Variants in CCDC198 observed in about 807,000 individuals in gnomAD.
CCDC198 encodes factor associated with metabolism and energy.
Under a neutral mutation model 35.6 loss-of-function variants are expected in CCDC198, and 18 were observed. That is an observed-to-expected ratio of 0.51 (90% confidence interval 0.35 to 0.75). The LOEUF is 0.75. Ranked by LOEUF, CCDC198 falls within the 30% of genes least tolerant of loss-of-function variation. CCDC198 has a pLI of 0.01. For synonymous variants in CCDC198, 119 were observed against 113.4 expected (o/e 1.05, Z -0.31); for missense variants, 365 against 343.7 (o/e 1.06, Z -0.49).
At chr14:57,486,137 T>G (rs2067349843) in intron 2 of CCDC198, among the ~76,000 whole-genome samples, 1 of 152,158 alleles carries the variant, frequency 6.6e-6, no homozygotes, top group South Asian at 2.1e-4. Flanking sequence ...AAGGGGGATT[T>G]CTGGAAGCTG....
chr14:57,487,566 A>G (rs1251972550), intron 2 of CCDC198, among the ~76,000 whole-genome samples: 6 of 152,180 alleles, frequency 3.9e-5, no homozygotes, highest in Non-Finnish European at 8.8e-5. Flanking sequence ...CAACTCCTCA[A>G]TAAAAAGGCC....
In CCDC198 at chr14:57,483,169, A is replaced by G; in HGVS notation, c.307-18T>C. The stretch of plus-strand genomic sequence containing the variant: ...TCAAGCTTCTAGAAGTTCAACGTTT[A>G]GAGCAGTCAGCATTCCTCATGCCAT... On this transcript the variant is annotated intron_variant, in intron 2 of 5. Transcript: ENST00000216445. 6.2e-7 allele frequency: 1 copy of G among 1,614,048 alleles called. No individual in the cohort carries two copies.
chr14:57,481,158 A>G (rs1378293064), intron 4 of CCDC198, among the ~76,000 whole-genome samples: 2 of 152,108 alleles, frequency 1.3e-5, no homozygotes, highest in Non-Finnish European at 2.9e-5. Flanking sequence ...TGTTTTTTTT[A>G]CAAGAGGTCT....
At chr14:57,474,805 A>G (rs145142417) in intron 5 of CCDC198, among the ~76,000 whole-genome samples, 124 of 152,306 alleles carry the variant, frequency 8.1e-4, no homozygotes, top group African/African-American at 2.9e-3. Flanking sequence ...ATTTAGGGAG[A>G]GAGGAAAGCA....
chr14:57,486,799 C>T (rs764610899), intron 2 of CCDC198, among the ~76,000 whole-genome samples: 13 of 152,130 alleles, frequency 8.5e-5, no homozygotes, highest in Non-Finnish European at 1.5e-4. Context: ...TTTCACAGAT[C>T]TCTTTCTTCC....
chr14:57,480,720 T>C lies in CCDC198; in HGVS notation c.530A>G (p.Glu177Gly). ...QMELKKSLHG[E>G]ARINKQSPRD... The stretch of plus-strand genomic sequence containing the variant: ...TGGACTTTGCTTATTAATTCTTGCC[T>C]CTCCATGAAGACTTTTCTTTAACTC... The change falls in exon 5 of 6, where the codon GAG (glutamate) becomes GGG (glycine). Residue 177 changes from glutamate (E) to glycine (G), a missense_variant. By Grantham distance (98) the Glu-to-Gly change is moderately conservative. Transcript: ENST00000216445. 1 of 1,614,096 alleles carries C rather than the reference T, an allele frequency of 6.2e-7. No homozygotes were observed. The highest frequency in any genetic ancestry group is 2.2e-5 in the East Asian group (1 of 44,864).
intron 5 of CCDC198, 25 bp from the exon 6 acceptor site, chr14:57,471,615 A>T: frequency 7.5e-7 from 1 of 1,337,052 alleles, no homozygotes; most frequent in Non-Finnish European, 1.0e-6. Context: ...AGTTTCTTTA[A>T]TTTTTTCCCT....
intron 3 of CCDC198, 138 bp from the exon 4 acceptor site, chr14:57,481,798 G>A (rs1384800451): frequency 1.0e-5 from 6 of 588,652 alleles, no homozygotes; most frequent in Admixed American, 6.3e-5. Flanking sequence ...GACAAAAGTG[G>A]ACTATCGTGT....
intron 1 of CCDC198, among the ~76,000 whole-genome samples, chr14:57,492,862 C>T (rs2067622695): frequency 1.3e-5 from 2 of 152,072 alleles, no homozygotes; most frequent in Non-Finnish European, 2.9e-5. Context: ...TTTTACATGG[C>T]TTATAAAATA....
chr14:57,475,788 C>CTTTTTT lies in CCDC198; in HGVS notation c.656-4204_656-4199dup, dbSNP rs548486752. 2.2e-3 allele frequency: 239 copies of CTTTTTT among 108,842 alleles called. 30 individuals carry two copies. Among genetic ancestry groups the CTTTTTT allele is most frequent in the East Asian group, 2.7e-3 (5 of 1,832 alleles). The allele number at this position is 108,842 out of a possible 1,614,324, so 6.7% of individuals were successfully genotyped here. On this transcript the variant is annotated intron_variant, in intron 5 of 5. Transcript: ENST00000216445. Reference sequence around the variant, plus strand: ...CATACATTTGTACGGCACTTAGCTTCTTTTTTTTTTTTTTTTTTTTTTTTT... The same window carrying CTTTTTT: ...CATACATTTGTACGGCACTTAGCTTCTTTTTTTTTTTTTTTTTTTTTTTTTTTTTTT...
intron 5 of CCDC198, chr14:57,480,153 G>T: frequency 2.3e-6 from 1 of 430,288 alleles, no homozygotes; most frequent in Non-Finnish European, 3.1e-6. Context: ...TTCTGAATGT[G>T]CCAAAGAGAG....
chr14:57,477,168 A>T (rs118171914), intron 5 of CCDC198, among the ~76,000 whole-genome samples: 67 of 152,314 alleles, frequency 4.4e-4, no homozygotes, highest in Non-Finnish European at 7.5e-4. Context: ...AGCACTTGTA[A>T]ATACTAGCTG....
At chr14:57,490,866 TAAG>T in intron 2 of CCDC198, 120 bp downstream of exon 2, 1 of 946,292 alleles carries the variant, frequency 1.1e-6, no homozygotes, top group Non-Finnish European at 1.6e-6. Context: ...CATTTTTCTT[TAAG>T]AACATTCTCA....
At chr14:57,480,511 C>T (rs2067144815) in intron 5 of CCDC198, 84 bp downstream of exon 5, 1 of 1,492,212 alleles carries the variant, frequency 6.7e-7, no homozygotes, top group Non-Finnish European at 9.2e-7. Context: ...GCTGTCTTCT[C>T]ATCATGTCCC....
In CCDC198 at chr14:57,481,562, T is replaced by C. The variant is rs1284977865; in HGVS notation, c.492A>G (p.Gln164=). ...ATGACACTCTTCTCGTATTTACCTC[T>C]TGTCTTTTACGGATCATTTCCAGCA... ...MQVLEMIRKR[Q]EAQMELKKSL... is the part of the protein sequence containing the mutation. The change falls in exon 4 of 6, where the codon CAA becomes CAG. Residue 164 remains glutamine, a synonymous_variant. Transcript: ENST00000216445. The C allele has an allele frequency of 1.9e-6, 3 of 1,606,290 alleles. No homozygotes were observed. The highest frequency in any genetic ancestry group is 1.7e-6 in the Non-Finnish European group (2 of 1,174,020).
intron 5 of CCDC198, among the ~76,000 whole-genome samples, chr14:57,475,123 T>TGC (rs2066933784): frequency 6.0e-5 from 9 of 151,216 alleles, no homozygotes; most frequent in Admixed American, 3.9e-4. Context: ...TAGCCGGGCA[T>TGC]GGTGGCGGGC....
chr14:57,489,500 A>G (rs769395461), intron 2 of CCDC198, among the ~76,000 whole-genome samples: 45 of 152,142 alleles, frequency 3.0e-4, no homozygotes, highest in Non-Finnish European at 5.0e-4. Flanking sequence ...AAACCTACAC[A>G]TCCTGCACCT....
intron 5 of CCDC198, 25 bp from the exon 6 acceptor site, chr14:57,471,615 A>G (rs1434112113): frequency 1.5e-6 from 2 of 1,337,052 alleles, no homozygotes; most frequent in Non-Finnish European, 2.1e-6. Flanking sequence ...AGTTTCTTTA[A>G]TTTTTTCCCT....
Position 57,481,569 on chromosome 14 carries a change from T to C in CCDC198, c.485A>G (p.Lys162Arg), listed in dbSNP as rs778808490. The change falls in exon 4 of 6, where the codon AAA (lysine) becomes AGA (arginine). Residue 162 changes from lysine (K) to arginine (R), a missense_variant. Transcript: ENST00000216445. ...HKMQVLEMIR[K>R]RQEAQMELKK... ...TCTTCTCGTATTTACCTCTTGTCTT[T>C]TACGGATCATTTCCAGCACTTGCAT... 1.2e-6 allele frequency: 2 copies of C among 1,609,730 alleles called. No homozygotes were observed. Among genetic ancestry groups the C allele is most frequent in the Non-Finnish European group, 1.7e-6 (2 of 1,176,996 alleles).
Sources: gnomAD v4.1 joint callset for allele counts (sites outside exome capture counted in the v4.1 genomes callset) on GRCh38, gnomAD v4.1.1 for gene constraint, MANE v1.5 for transcripts, NCBI Gene and HGNC (gene_info 2026-07-23, HGNC 2026-07-21) for gene names.